DOCK6: variants seen among roughly 807,000 people sequenced by gnomAD.
DOCK6 encodes dedicator of cytokinesis protein 6.
Under a neutral mutation model 230.3 loss-of-function variants are expected in DOCK6, and 167 were observed. That is an observed-to-expected ratio of 0.73 (90% CI 0.64 to 0.82). DOCK6 has a LOEUF of 0.82. DOCK6 is among the 40% of genes least tolerant of loss of function. The pLI is 0.00. For missense variants in DOCK6, 2,598 were observed against 2,825.8 expected (o/e 0.92, Z 1.83); for synonymous variants, 1,148 against 1,185.0 (o/e 0.97, Z 0.64).
At position 11,243,222 on chromosome 19, in the gene DOCK6, G is replaced by A. The variant is rs745888441; in HGVS notation, c.1386+36C>T. On this transcript the variant is annotated intron_variant, in intron 12 of 47. Transcript: ENST00000294618. The surrounding 1 kb of genome is among the most constrained non-coding windows in gnomAD (Gnocchi z 6.3). ...GTCCCCAGGGCTAATGCAGCCAGCG[G>A]GGAGTGGGAGAGTCCCTGGCCCCAG... The A allele has an allele frequency of 3.6e-5, 58 of 1,613,350 alleles. No individual in the cohort carries two copies. The highest frequency in any genetic ancestry group is 2.3e-4 in the South Asian group (21 of 91,050).
chr19:11,216,956 C>T lies in DOCK6; in HGVS notation c.3852G>A (p.Leu1284=), dbSNP rs1248147928. 1 of 1,613,682 alleles carries T rather than the reference C, an allele frequency of 6.2e-7. No individual in the cohort carries two copies. The highest frequency in any genetic ancestry group is 8.5e-7 in the Non-Finnish European group (1 of 1,179,910). Residue 1284 remains leucine, a synonymous_variant, in exon 30 of 48, where the codon CTG becomes CTA. Transcript: ENST00000294618. The part of the protein sequence containing the change: ...TDLTLPQLGR[L]LDLLYLCLAA... Reference sequence around the variant, plus strand: ...CTAGGCAAAGGTACAGCAAATCCAACAGACGTCCCAGCTGGGGGAGTGTCA... The same window carrying T: ...CTAGGCAAAGGTACAGCAAATCCAATAGACGTCCCAGCTGGGGGAGTGTCA...
chr19:11,215,954 A>G, intron 30 of DOCK6, 27 bp from the exon 31 acceptor site: 1 of 1,613,010 alleles, frequency 6.2e-7, no homozygotes, highest in Non-Finnish European at 8.5e-7. Context: ...CTGGGGTTCC[A>G]GGCTGACTCT....
At chr19:11,262,506 TGGGCAGCCGGGGCGGGGCG>T (rs1420631826) in exon 1 of DOCK6, 1 of 991,128 alleles carries the variant, frequency 1.0e-6, no homozygotes, top group Non-Finnish European at 1.2e-6. Context: ...CTCCCGGTTC[TGGGCAGCCGGGGCGGGGCG>T]GGGCCGGCGC....
At chr19:11,209,220 A>G (rs892844669) in intron 37 of DOCK6, 117 bp from the exon 38 acceptor site, 10 of 1,197,210 alleles carry the variant, frequency 8.4e-6, no homozygotes, top group East Asian at 5.2e-5. Context: ...GGACCAGCCA[A>G]TCTCCTCACC....
At position 11,210,919 on chromosome 19, in the gene DOCK6, G is replaced by A. The variant is rs2079373245; in HGVS notation, c.4751+857C>T. ...TCCTGACCTGTCCATCCCCTCACCT[G>A]TCTATCCTGTCACCTGTGTCCTCAC... On this transcript the variant is annotated intron_variant, in intron 37 of 47. Coordinates refer to ENST00000294618, the MANE Select transcript of DOCK6 (RefSeq NM_020812.4). Among the ~76,000 whole-genome samples the A allele has an allele frequency of 2.0e-5, 3 of 150,260 alleles. No homozygotes were observed. The South Asian group carries it at 6.4e-4, about 32-fold the overall frequency.
intron 14 of DOCK6, chr19:11,240,046 C>T: frequency 4.5e-6 from 7 of 1,547,560 alleles, no homozygotes; most frequent in Non-Finnish European, 6.1e-6. Flanking sequence ...TCCTGGGATA[C>T]AAGATTTTCA....
chr19:11,262,499 C>G lies in DOCK6; in HGVS notation c.-59G>C. The G allele has an allele frequency of 9.7e-7, 1 of 1,029,476 alleles. No individual in the cohort carries two copies. Among genetic ancestry groups the G allele is most frequent in the Non-Finnish European group, 1.2e-6 (1 of 859,270 alleles). 63.8% of individuals were successfully genotyped at this position (1,029,476 alleles called of 1,614,324 possible). On this transcript the variant is annotated 5_prime_UTR_variant, in exon 1 of 48. Coordinates refer to ENST00000294618, the MANE Select transcript of DOCK6 (RefSeq NM_020812.4). ...CCGGCCCCGCCGCCGCCGCCGCCTCCCGGTTCTGGGCAGCCGGGGCGGGGC... is the reference window on the plus strand; with the variant it reads ...CCGGCCCCGCCGCCGCCGCCGCCTCGCGGTTCTGGGCAGCCGGGGCGGGGC...
At chr19:11,213,914 C>T (rs111711071) in intron 34 of DOCK6, among the ~76,000 whole-genome samples, 5 of 151,350 alleles carry the variant, frequency 3.3e-5, no homozygotes, top group African/African-American at 1.2e-4. Flanking sequence ...CTCAGCCTTC[C>T]GAGTAGCTAG....
chr19:11,259,556 C>CTTTTTTTTT lies in DOCK6; in HGVS notation c.44+2832_44+2840dup, dbSNP rs756965986. ...CCTCCAATGAATCATTATTTCTTTT[C>CTTTTTTTTT]TTTTTTTTTTTTTTTTTTTGAGATG... On this transcript the variant is annotated intron_variant, in intron 1 of 47. Coordinates refer to ENST00000294618, the MANE Select transcript of DOCK6 (RefSeq NM_020812.4). Among the ~76,000 whole-genome samples, 125 of 103,636 alleles carry CTTTTTTTTT rather than the reference C, an allele frequency of 1.2e-3. 3 individuals are homozygous for CTTTTTTTTT. Among genetic ancestry groups the CTTTTTTTTT allele is most frequent in the Non-Finnish European group, 1.6e-3 (85 of 53,206 alleles). 68.0% of individuals were successfully genotyped at this position (103,636 alleles called of 152,430 possible). A position where few individuals can be genotyped will look rare whatever the true frequency, so the allele number is the denominator to read the frequency against.
At chr19:11,205,071 A>AAT (rs1455933414) in intron 39 of DOCK6, among the ~76,000 whole-genome samples, 1 of 152,186 alleles carries the variant, frequency 6.6e-6, no homozygotes, top group Non-Finnish European at 1.5e-5. Flanking sequence ...GGCATGTGGT[A>AAT]ATATGCCCCT....
chr19:11,216,131 G>T (rs564693580), intron 30 of DOCK6: 1 of 463,318 alleles, frequency 2.2e-6, no homozygotes, highest in Non-Finnish European at 3.7e-6. Context: ...TCATTCTGTC[G>T]CCCAGGGTGA....
rs376745417 is a variant in DOCK6, at chr19:11,236,374, G to C, written c.2364C>G (p.Ile788Met). Residue 788 changes from isoleucine (I) to methionine (M), a missense_variant, in exon 20 of 48, where the codon ATC (isoleucine) becomes ATG (methionine). Coordinates refer to ENST00000294618, the MANE Select transcript of DOCK6 (RefSeq NM_020812.4). The surrounding 1 kb of genome is among the most constrained non-coding windows in gnomAD (Gnocchi z 5.2). ...TCTGGCCACTGATGATCGGGGGCCT[G>C]ATGACCAGACGCACGAGCTTGTCCA... ...HVLDKLVRLV[I>M]RPPIISGQIV... is the part of the protein sequence containing the mutation. The C allele has an allele frequency of 2.5e-6, 4 of 1,573,112 alleles. No homozygotes were observed. Among genetic ancestry groups the C allele is most frequent in the African/African-American group, 2.7e-5 (2 of 73,936 alleles).
chr19:11,217,326 T>C lies in DOCK6; in HGVS notation c.3616A>G (p.Ile1206Val). The change falls in exon 29 of 48, where the codon ATT becomes GTT. Residue 1206 changes from isoleucine to valine, a missense_variant. Coordinates refer to ENST00000294618, the MANE Select transcript of DOCK6 (RefSeq NM_020812.4). Reference protein sequence around the residue: ...LDSDTEGEGDIAGTINPSVAM... With the variant: ...LDSDTEGEGDVAGTINPSVAM... ...ACAGAGGGGTTGATGGTACCCGCAA[T>C]GTCCCCTTCGCCTTCTGTGTCTGAG... 1 of 1,613,516 alleles carries C rather than the reference T, an allele frequency of 6.2e-7. No individual in the cohort carries two copies.
chr19:11,203,684 G>A, intron 41 of DOCK6: 1 of 256,066 alleles, frequency 3.9e-6, no homozygotes, highest in Non-Finnish European at 7.5e-6. Context: ...GGGTACGCAG[G>A]GAGAGACAGA....
At chr19:11,232,215 C>A (rs746632468) in intron 22 of DOCK6, 2 of 1,289,112 alleles carry the variant, frequency 1.6e-6, no homozygotes, top group Non-Finnish European at 2.0e-6. Context: ...AATAAGGGGG[C>A]GCCCGCCGCA....
intron 9 of DOCK6, among the ~76,000 whole-genome samples, chr19:11,244,713 C>G (rs2147856517): frequency 6.6e-6 from 1 of 152,210 alleles, no homozygotes; most frequent in East Asian, 1.9e-4. Context: ...CCTGCCTCGG[C>G]CTCCCAAAGT....
intron 1 of DOCK6, among the ~76,000 whole-genome samples, chr19:11,259,185 GGGACT>G (rs1437779586): frequency 2.6e-5 from 4 of 152,024 alleles, no homozygotes; most frequent in Non-Finnish European, 5.9e-5. Flanking sequence ...CCCAGGAGCT[GGGACT>G]ACAGGTATGA....
Position 11,214,355 on chromosome 19 carries a change from C to G in DOCK6, c.4258G>C (p.Val1420Leu), listed in dbSNP as rs8108071. Residue 1420 changes from valine to leucine, a missense_variant, in exon 34 of 48, where the codon GTG becomes CTG. By Grantham distance (32) the Val-to-Leu change is conservative (BLOSUM62 1). Coordinates refer to ENST00000294618, the MANE Select transcript of DOCK6 (RefSeq NM_020812.4). ...TGGGCACTGCCCAGGCTGTACAGCACAACCTTCAGCACTGCCCCCAAGACG... is the reference window on the plus strand; with the variant it reads ...TGGGCACTGCCCAGGCTGTACAGCAGAACCTTCAGCACTGCCCCCAAGACG... Reference protein sequence around the residue: ...ESVLGAVLKVVLYSLGSAQSA... With the variant: ...ESVLGAVLKVLLYSLGSAQSA... 2.0e-3 allele frequency: 3,217 copies of G among 1,613,714 alleles called. 54 individuals are homozygous for G. In the African/African-American group the frequency reaches 0.035, roughly 17 times the overall value.
intron 14 of DOCK6, 85 bp from the exon 15 acceptor site, chr19:11,238,389 T>A: frequency 2.3e-6 from 3 of 1,289,462 alleles, no homozygotes; most frequent in Non-Finnish European, 3.2e-6. Flanking sequence ...CAAGGCTGGC[T>A]GGGAGCACAG....
Sources: allele counts gnomAD v4.1 joint callset (sites outside exome capture counted in the v4.1 genomes callset), GRCh38; gene constraint gnomAD v4.1.1; non-coding constraint Gnocchi (gnomAD v3.1); transcripts MANE v1.5; gene names NCBI Gene and HGNC (gene_info 2026-07-23, HGNC 2026-07-21).